The following CDC20B variants were observed in gnomAD, a reference collection of about 807,000 sequenced individuals.
The protein encoded by CDC20B is cell division cycle 20B, also known as cell division cycle protein 20 homolog B.
A neutral mutation model predicts 64.1 loss-of-function variants in CDC20B; 58 were observed. The observed-to-expected ratio is 0.90, with a 90% CI of 0.73 to 1.13. The LOEUF (loss-of-function observed/expected upper bound fraction) is 1.13. Among genes scored for constraint, CDC20B ranks in the 50% most tolerant of loss-of-function variants. The probability of loss-of-function intolerance (pLI) is 0.00; values close to 1 mark genes in which losing one functional copy is unlikely to be tolerated. For missense variants in CDC20B, 597 were observed against 633.0 expected, an observed-to-expected ratio of 0.94 and a Z score of 0.61; for synonymous variants, 243 against 230.6, an observed-to-expected ratio of 1.05 and a Z score of -0.49.
At chr5:55,146,557 C>T in intron 3 of CDC20B, 71 bp downstream of exon 3, 1 of 1,110,628 alleles carries the variant, frequency 9.0e-7, no homozygotes, top group Non-Finnish European at 1.4e-6. Flanking sequence ...TTCTACAAGA[C>T]AAAGATTCTC....
At chr5:55,121,916 T>G (rs887418096) in intron 9 of CDC20B, among the ~76,000 whole-genome samples, 1 of 152,196 alleles carries the variant, frequency 6.6e-6, no homozygotes, top group African/African-American at 2.4e-5. Flanking sequence ...CAAGTTTGAG[T>G]CCATTTTTTA....
intron 2 of CDC20B, chr5:55,170,521 C>T (rs768977229): frequency 7.5e-6 from 4 of 534,750 alleles, no homozygotes; most frequent in South Asian, 5.6e-5. Flanking sequence ...CAGTTACACT[C>T]TGATGTTCAT....
chr5:55,170,748 G>A (rs202085105), intron 2 of CDC20B: 10 of 520,092 alleles, frequency 1.9e-5, no homozygotes, highest in Non-Finnish European at 4.0e-5. Flanking sequence ...GGTCACTGCC[G>A]ATTCTCGTGG....
chr5:55,139,604 C>G (rs557061926), intron 5 of CDC20B, among the ~76,000 whole-genome samples: 14 of 152,062 alleles, frequency 9.2e-5, no homozygotes, highest in African/African-American at 3.4e-4. Context: ...AGAAAAGAAG[C>G]ATAATTATAT....
chr5:55,152,891 A>C (rs894973106), intron 2 of CDC20B, among the ~76,000 whole-genome samples: 2 of 152,168 alleles, frequency 1.3e-5, no homozygotes, highest in Non-Finnish European at 2.9e-5. Flanking sequence ...AAGGCATTTG[A>C]GAAAGAATCC....
chr5:55,139,561 G>T (rs1743272641), intron 5 of CDC20B, among the ~76,000 whole-genome samples: 1 of 152,046 alleles, frequency 6.6e-6, no homozygotes, highest in Admixed American at 6.6e-5. Context: ...GAAAACTAAG[G>T]CAACTTTTAA....
At chr5:55,153,261 A>G (rs1743719963) in intron 2 of CDC20B, among the ~76,000 whole-genome samples, 1 of 151,524 alleles carries the variant, frequency 6.6e-6, no homozygotes, top group African/African-American at 2.4e-5. Flanking sequence ...AAAAAAAAAA[A>G]AAGAACAATT....
At chr5:55,155,269 G>A (rs1267492843) in intron 2 of CDC20B, among the ~76,000 whole-genome samples, 1 of 152,188 alleles carries the variant, frequency 6.6e-6, no homozygotes, top group Non-Finnish European at 1.5e-5. Flanking sequence ...ATAAGGTCAG[G>A]AAGTAGCAGA....
At chr5:55,145,521 A>G (rs950031165) in intron 3 of CDC20B, among the ~76,000 whole-genome samples, 7 of 152,218 alleles carry the variant, frequency 4.6e-5, no homozygotes, top group Non-Finnish European at 1.0e-4. Flanking sequence ...GGGAATGAAA[A>G]TGTCTGTGCC....
intron 1 of CDC20B, 25 bp from the exon 2 acceptor site, chr5:55,172,675 G>GA: frequency 6.5e-7 from 1 of 1,539,764 alleles, no homozygotes. Flanking sequence ...ATAACATATT[G>GA]AGGGAGAAAC....
intron 2 of CDC20B, among the ~76,000 whole-genome samples, chr5:55,147,490 T>C (rs560295339): frequency 6.8e-5 from 10 of 147,748 alleles, no homozygotes; most frequent in Admixed American, 5.4e-4. Flanking sequence ...CATGTTATTT[T>C]ATATGTATTT....
chr5:55,127,557 G>C (rs1742925661), intron 7 of CDC20B, among the ~76,000 whole-genome samples: 1 of 152,180 alleles, frequency 6.6e-6, no homozygotes, highest in Non-Finnish European at 1.5e-5. Flanking sequence ...GATTTAGTTG[G>C]TAGAGTAGAG....
At chr5:55,159,086 G>C (rs559129976) in intron 2 of CDC20B, among the ~76,000 whole-genome samples, 28 of 152,020 alleles carry the variant, frequency 1.8e-4, no homozygotes, top group Non-Finnish European at 3.4e-4. Flanking sequence ...CTACAAACAC[G>C]ACTCACTGCA....
intron 11 of CDC20B, among the ~76,000 whole-genome samples, chr5:55,117,253 T>G (rs1409086798): frequency 6.6e-6 from 1 of 151,974 alleles, no homozygotes; most frequent in Non-Finnish European, 1.5e-5. Context: ...TAACTGAAAT[T>G]TTCCCCCCAA....
At chr5:55,164,344 C>T in intron 2 of CDC20B, 14 of 528,336 alleles carry the variant, frequency 2.6e-5, no homozygotes, top group Non-Finnish European at 3.9e-5. Flanking sequence ...GTAGTGCGTT[C>T]TCAGCTCATT....
At chr5:55,145,067 T>A (rs1309715055) in intron 3 of CDC20B, among the ~76,000 whole-genome samples, 1 of 152,176 alleles carries the variant, frequency 6.6e-6, no homozygotes, top group Admixed American at 6.5e-5. Flanking sequence ...TTTTAAAAAA[T>A]CAATAAATTA....
chr5:55,131,544 T>G (rs1196337307), intron 6 of CDC20B, among the ~76,000 whole-genome samples: 9 of 152,144 alleles, frequency 5.9e-5, no homozygotes, highest in Non-Finnish European at 1.3e-4. Flanking sequence ...AAGGAGGGAT[T>G]GATCAGCTGT....
In CDC20B at chr5:55,168,690, C is replaced by T. The variant is rs114413175; in HGVS notation, c.126+3898G>A. ...GAATCAAAAGTTCTAAAAAAGAAAA[C>T]TTAAAAAAATTTAAGTTGGCATTTT... On this transcript the variant is annotated intron_variant, in intron 2 of 11. Transcript: ENST00000381375. Among the ~76,000 whole-genome samples the T allele has an allele frequency of 4.6e-3, 696 of 152,014 alleles. 3 individuals are homozygous for T. The highest frequency in any genetic ancestry group is 0.016 in the African/African-American group (668 of 41,454).
intron 6 of CDC20B, among the ~76,000 whole-genome samples, chr5:55,129,667 G>T (rs1470400011): frequency 6.6e-6 from 1 of 152,180 alleles, no homozygotes; most frequent in Non-Finnish European, 1.5e-5. Context: ...AATCACCTTA[G>T]TAAAGGCTTT....
Sources: gnomAD v4.1 joint callset for allele counts (sites outside exome capture counted in the v4.1 genomes callset) on GRCh38, gnomAD v4.1.1 for gene constraint, MANE v1.5 for transcripts, NCBI Gene and HGNC (gene_info 2026-07-23, HGNC 2026-07-21) for gene names.